The following TPST1 variants were observed in gnomAD, a reference collection of about 807,000 sequenced individuals.
The protein encoded by TPST1 is protein-tyrosine sulfotransferase 1.
In TPST1, 20 loss-of-function variants were observed where a neutral mutation model predicts 34.8. That is an observed-to-expected ratio of 0.57 (90% CI 0.40 to 0.84). The LOEUF (loss-of-function observed/expected upper bound fraction) is 0.84. TPST1 is among the 40% of genes least tolerant of loss of function. The pLI is 0.00. For synonymous variants in TPST1, 152 were observed against 159.4 expected (o/e 0.95, Z 0.35); for missense variants, 353 against 455.5 (o/e 0.78, Z 2.05).
At chr7:66,338,835 G>A (rs1226289862) in intron 3 of TPST1, among the ~76,000 whole-genome samples, 3 of 151,904 alleles carry the variant, frequency 2.0e-5, no homozygotes, top group Non-Finnish European at 2.9e-5. Flanking sequence ...AGCAATAAAC[G>A]TCTATATCAA....
chr7:66,220,236 A>G (rs1358752247), intron 1 of TPST1, among the ~76,000 whole-genome samples: 2 of 152,218 alleles, frequency 1.3e-5, no homozygotes, highest in Admixed American at 1.3e-4. Context: ...ATATGCTTGT[A>G]GTATATTGTT....
At chr7:66,316,625 C>T (rs1167501910) in intron 3 of TPST1, among the ~76,000 whole-genome samples, 1 of 152,164 alleles carries the variant, frequency 6.6e-6, no homozygotes, top group East Asian at 1.9e-4. Flanking sequence ...AATTTAGATT[C>T]ATTAGCATTT....
chr7:66,216,715 G>A (rs1187294400), intron 1 of TPST1, among the ~76,000 whole-genome samples: 2 of 152,172 alleles, frequency 1.3e-5, no homozygotes, highest in Non-Finnish European at 2.9e-5. Context: ...TGATCTGCGT[G>A]CCTCAGCCTC....
chr7:66,296,263 CACCGTCTCTG>C (rs1791195602), intron 3 of TPST1, among the ~76,000 whole-genome samples: 5 of 42,268 alleles, frequency 1.2e-4, no homozygotes, highest in East Asian at 4.2e-4. Flanking sequence ...CCCCCTCCCC[CACCGTCTCTG>C]CCTATCTTTA....
At chr7:66,276,112 ATAATTT>A (rs899268132) in intron 2 of TPST1, among the ~76,000 whole-genome samples, 9 of 151,822 alleles carry the variant, frequency 5.9e-5, no homozygotes, top group Non-Finnish European at 8.8e-5. Flanking sequence ...TTAAAGTGCA[ATAATTT>A]TAATATGTTT....
intron 3 of TPST1, among the ~76,000 whole-genome samples, chr7:66,328,886 C>CTCTCTCTCTCTA (rs757168858): frequency 2.3e-4 from 5 of 22,096 alleles, no homozygotes; most frequent in Admixed American, 8.7e-4. Context: ...CTCTCTCTCT[C>CTCTCTCTCTCTA]TATATATATA....
chr7:66,224,971 G>GTCATGGCA (rs201362104), intron 1 of TPST1, among the ~76,000 whole-genome samples: 1 of 130,860 alleles, frequency 7.6e-6, no homozygotes, highest in African/African-American at 2.9e-5. Flanking sequence ...AGGCTGGAGT[G>GTCATGGCA]CAATGGCACG....
upstream of TPST1, among the ~76,000 whole-genome samples, chr7:66,201,345 A>G (rs902652657): frequency 6.7e-6 from 1 of 148,264 alleles, no homozygotes; most frequent in African/African-American, 2.5e-5. Context: ...GGAGTTCAAG[A>G]CCAGTTTGGG....
At chr7:66,274,389 G>A (rs1025883795) in intron 2 of TPST1, among the ~76,000 whole-genome samples, 8 of 151,406 alleles carry the variant, frequency 5.3e-5, no homozygotes, top group South Asian at 4.2e-4. Context: ...AGATCCACTC[G>A]GCCTCTCAAA....
At chr7:66,209,763 T>C (rs978990009) in intron 1 of TPST1, among the ~76,000 whole-genome samples, 5 of 152,240 alleles carry the variant, frequency 3.3e-5, no homozygotes, top group African/African-American at 9.6e-5. Flanking sequence ...GGATGGGTTT[T>C]GATTCATGTC....
chr7:66,203,227 A>G (rs1224093358), upstream of TPST1, among the ~76,000 whole-genome samples: 1 of 151,610 alleles, frequency 6.6e-6, no homozygotes, highest in East Asian at 1.9e-4. Flanking sequence ...ACACACACAT[A>G]TATATAATTA....
intron 1 of TPST1, among the ~76,000 whole-genome samples, chr7:66,225,274 T>TA (rs1160961015): frequency 6.6e-6 from 1 of 151,832 alleles, no homozygotes; most frequent in Non-Finnish European, 1.5e-5. Flanking sequence ...GTTGAGAAAA[T>TA]ATTGATCTGC....
intron 3 of TPST1, among the ~76,000 whole-genome samples, chr7:66,330,704 C>T (rs1331118563): frequency 1.3e-5 from 2 of 152,108 alleles, no homozygotes; most frequent in African/African-American, 2.4e-5. Context: ...ACTATCAATT[C>T]CTGGCAATTT....
intron 3 of TPST1, among the ~76,000 whole-genome samples, chr7:66,320,245 C>CTTTTTTTTTTTTT (rs569746911): frequency 1.9e-4 from 24 of 126,382 alleles, no homozygotes; most frequent in East Asian, 6.8e-4. Flanking sequence ...TTTTCTTTTT[C>CTTTTTTTTTTTTT]TTTTTTTTTT....
intron 2 of TPST1, among the ~76,000 whole-genome samples, chr7:66,282,425 T>C (rs1790950026): frequency 6.6e-6 from 1 of 152,256 alleles, no homozygotes; most frequent in African/African-American, 2.4e-5. Flanking sequence ...GGTTATGTTC[T>C]AGTAAAACTT....
At chr7:66,352,448 T>A in intron 3 of TPST1, 57 bp from the exon 4 acceptor site, 1 of 1,591,516 alleles carries the variant, frequency 6.3e-7, no homozygotes, top group South Asian at 1.2e-5. Context: ...GCACATGTCC[T>A]GCAATGATGG....
chr7:66,304,466 A>G (rs1384669173), intron 3 of TPST1, among the ~76,000 whole-genome samples: 2 of 152,214 alleles, frequency 1.3e-5, no homozygotes, highest in African/African-American at 4.8e-5. Flanking sequence ...CCTCTGACCC[A>G]GAACCACACA....
At chr7:66,352,734 A>C (rs1454519493) in intron 4 of TPST1, 179 bp downstream of exon 4, 14 of 985,322 alleles carry the variant, frequency 1.4e-5, no homozygotes, top group Non-Finnish European at 1.7e-5. Flanking sequence ...TGTTGATTTT[A>C]ACAATAATTT....
At chr7:66,214,871 T>C (rs1022475336) in intron 1 of TPST1, among the ~76,000 whole-genome samples, 26 of 147,662 alleles carry the variant, frequency 1.8e-4, no homozygotes, top group South Asian at 6.3e-4. Flanking sequence ...TTTTTAAATA[T>C]GTATTATATA....
Sources: allele counts gnomAD v4.1 joint callset (sites outside exome capture counted in the v4.1 genomes callset), GRCh38; gene constraint gnomAD v4.1.1; transcripts MANE v1.5; gene names NCBI Gene and HGNC (gene_info 2026-07-23, HGNC 2026-07-21).